Variants in DENND11 observed in about 807,000 individuals in gnomAD.
DENND11 encodes DENN domain containing 11, also known as DENN domain-containing protein 11.
DENND11 carries 34 observed loss-of-function variants against 49.2 expected under a neutral mutation model. That is an observed-to-expected ratio of 0.69 (90% CI 0.53 to 0.92). The LOEUF (loss-of-function observed/expected upper bound fraction) is 0.92. Among genes scored for constraint, DENND11 ranks in the 40% least tolerant of loss-of-function variants. The pLI, the probability that DENND11 is intolerant of heterozygous loss-of-function variation, is 0.00. For synonymous variants in DENND11, 238 were observed against 230.3 expected, an observed-to-expected ratio of 1.03 and a Z score of -0.30; for missense variants, 475 against 581.6, an observed-to-expected ratio of 0.82 and a Z score of 1.88.
rs536174491 is a variant in DENND11 at position 141,701,100 on chromosome 7, C to A, written c.268+786G>T. On this transcript the variant is annotated intron_variant, in intron 1 of 8. Transcript: ENST00000536163. ...GCAGGGTCGTTCTTCCACCTTCTGT[C>A]CCCCGTGGACTCTCACCTGGAAAAC... 8.5e-5 allele frequency among the ~76,000 whole-genome samples: 13 copies of A among 152,140 alleles called. No homozygotes were observed. In the East Asian group the frequency reaches 2.5e-3, roughly 30 times the overall value.
intron 1 of DENND11, among the ~76,000 whole-genome samples, chr7:141,696,660 T>C (rs1254889798): frequency 1.3e-5 from 2 of 152,180 alleles, no homozygotes; most frequent in Non-Finnish European, 2.9e-5. Flanking sequence ...ATGCCCTGAT[T>C]GTAATCAGGA....
In DENND11 at chr7:141,665,065, C is replaced by T. The variant is rs780524513; in HGVS notation, c.953-11G>A. ...TCTTCTCTGTGGTGCCTGTGGAACCCGGGGTTAGAGAGGTGGGAACCCACC... is the reference window on the plus strand; with the variant it reads ...TCTTCTCTGTGGTGCCTGTGGAACCTGGGGTTAGAGAGGTGGGAACCCACC... On this transcript the variant is annotated splice_polypyrimidine_tract_variant and intron_variant, in intron 6 of 8. Coordinates refer to ENST00000536163, the MANE Select transcript of DENND11 (RefSeq NM_001080392.2). The T allele has an allele frequency of 9.3e-6, 15 of 1,613,170 alleles. No homozygotes were observed. Among genetic ancestry groups the T allele is most frequent in the East Asian group, 6.7e-5 (3 of 44,848 alleles).
chr7:141,692,521 T>C (rs1004403283), intron 1 of DENND11, among the ~76,000 whole-genome samples: 1 of 152,088 alleles, frequency 6.6e-6, no homozygotes, highest in Non-Finnish European at 1.5e-5. Context: ...GGCAATATAA[T>C]GGAGAAAAGA....
At position 141,665,216 on chromosome 7, in the gene DENND11, C is replaced by A; in HGVS notation, c.923G>T (p.Ser308Ile). ...CACATAGGACACCTCTACCTCCAGG[C>A]TCTCGATGTCAGCCACGTTCACGTA... ...FFYVNVADIESLEVEVSYVAC... is the reference protein window; with the variant it reads ...FFYVNVADIEILEVEVSYVAC... Residue 308 changes from serine to isoleucine, a missense_variant, in exon 6 of 9, where the codon AGC becomes ATC. Coordinates refer to ENST00000536163, the MANE Select transcript of DENND11 (RefSeq NM_001080392.2). 1 of 1,613,232 alleles carries A rather than the reference C, an allele frequency of 6.2e-7. No individual in the cohort carries two copies. The highest frequency in any genetic ancestry group is 1.7e-5 in the Admixed American group (1 of 59,926).
chr7:141,686,118 T>G (rs1443841063), intron 2 of DENND11, among the ~76,000 whole-genome samples: 1 of 152,234 alleles, frequency 6.6e-6, no homozygotes, highest in Non-Finnish European at 1.5e-5. Context: ...TAAAGCCACT[T>G]CATTACCCTT....
At chr7:141,677,207 C>T (rs1798071093) in intron 3 of DENND11, among the ~76,000 whole-genome samples, 1 of 151,904 alleles carries the variant, frequency 6.6e-6, no homozygotes, top group Non-Finnish European at 1.5e-5. Context: ...GGGCGGATCG[C>T]TTGGGGCCAG....
chr7:141,696,378 A>T (rs1168291165), intron 1 of DENND11, among the ~76,000 whole-genome samples: 1 of 152,244 alleles, frequency 6.6e-6, no homozygotes. Context: ...TGTCTGCTAG[A>T]AAGTTCACCT....
Position 141,666,347 on chromosome 7 carries a change from A to T in DENND11, c.760T>A (p.Leu254Ile). Residue 254 changes from leucine to isoleucine, a missense_variant, in exon 5 of 9, where the codon TTA becomes ATA. Transcript: ENST00000536163. ...EQILILWKFALLRKRILIFSP... is the reference protein window; with the variant it reads ...EQILILWKFAILRKRILIFSP... ...AATATCAAAATGCGCTTTCGAAGTA[A>T]GGCAAATTTCCAGAGGATGAGGATC... 1 of 1,613,528 alleles carries T rather than the reference A, an allele frequency of 6.2e-7. No individual in the cohort carries two copies. The highest frequency in any genetic ancestry group is 8.5e-7 in the Non-Finnish European group (1 of 1,179,592).
chr7:141,687,631 A>ACTTTTTTTTTT (rs1554410465), intron 1 of DENND11, among the ~76,000 whole-genome samples: 3 of 112,826 alleles, frequency 2.7e-5, no homozygotes, highest in African/African-American at 9.9e-5. Flanking sequence ...CACTCGGCTA[A>ACTTTTTTTTTT]TTTTTTTTTT....
chr7:141,669,472 T>G (rs1797944061), intron 4 of DENND11, among the ~76,000 whole-genome samples: 2 of 128,502 alleles, frequency 1.6e-5, no homozygotes, highest in African/African-American at 4.9e-5. Flanking sequence ...GGTTTTGAAT[T>G]CCTGATCTCA....
At chr7:141,679,693 C>T (rs1161748130) in intron 3 of DENND11, among the ~76,000 whole-genome samples, 1 of 134,094 alleles carries the variant, frequency 7.5e-6, no homozygotes, top group Admixed American at 8.0e-5. Context: ...GCCTGGGACA[C>T]AAGAGCGAAA....
At chr7:141,668,373 T>G (rs1034685172) in intron 4 of DENND11, among the ~76,000 whole-genome samples, 3 of 151,968 alleles carry the variant, frequency 2.0e-5, no homozygotes, top group Non-Finnish European at 4.4e-5. Context: ...GATCACAAGG[T>G]CAGGAGTTCA....
intron 1 of DENND11, among the ~76,000 whole-genome samples, chr7:141,689,874 A>G (rs1798299053): frequency 6.6e-6 from 1 of 152,232 alleles, no homozygotes; most frequent in Non-Finnish European, 1.5e-5. Flanking sequence ...TATTACTTCT[A>G]TCATATGCAT....
intron 3 of DENND11, among the ~76,000 whole-genome samples, chr7:141,677,355 C>T (rs1798073455): frequency 1.4e-5 from 2 of 145,692 alleles, no homozygotes; most frequent in Non-Finnish European, 3.0e-5. Context: ...CACGCCATTG[C>T]ATCCAGCCTG....
Position 141,702,107 on chromosome 7 carries a change from C to T in DENND11, c.47G>A (p.Gly16Asp). The T allele has an allele frequency of 2.0e-6, 2 of 984,284 alleles. No individual in the cohort carries two copies. The highest frequency in any genetic ancestry group is 2.4e-6 in the Non-Finnish European group (2 of 830,630). 61.0% of individuals were successfully genotyped at this position (984,284 alleles called of 1,614,324 possible). ...DAAPLLRWAE[G>D]PAVSLPQAPQ... ...GGCCTGCGGCAGGGAGACGGCGGGG[C>T]CCTCGGCCCAGCGCAGCAGCGGCGC... The change falls in exon 1 of 9, where the codon GGC becomes GAC. Residue 16 changes from glycine to aspartate, a missense_variant. Physicochemically the swap from Gly to Asp is moderately conservative, Grantham distance 94. Transcript: ENST00000536163.
In DENND11 at chr7:141,688,410, C is replaced by T. The variant is rs1016081048; in HGVS notation, c.269-1752G>A. ...CATGGTAGATATCATAGAGCATTGT[C>T]GAATCTCACACTCAACAGCCCAAGT... On this transcript the variant is annotated intron_variant, in intron 1 of 8. Transcript: ENST00000536163. Among the ~76,000 whole-genome samples, 8 of 152,232 alleles carry T rather than the reference C, an allele frequency of 5.3e-5. No individual in the cohort carries two copies. In the East Asian group the frequency reaches 5.8e-4, roughly 11 times the overall value.
At chr7:141,694,160 T>TA (rs35783670) in intron 1 of DENND11, among the ~76,000 whole-genome samples, 4 of 152,162 alleles carry the variant, frequency 2.6e-5, no homozygotes, top group Non-Finnish European at 5.9e-5. Flanking sequence ...ATTAATTATT[T>TA]AAAAAAACCT....
chr7:141,662,353 T>C lies in DENND11; in HGVS notation c.*303A>G. 1 of 325,698 alleles carries C rather than the reference T, an allele frequency of 3.1e-6. No homozygotes were observed. The allele number at this position is 325,698 out of a possible 1,614,324, so 20.2% of individuals were successfully genotyped here. A position where few individuals can be genotyped will look rare whatever the true frequency, so the allele number is the denominator to read the frequency against. Reference sequence around the variant, plus strand: ...ACTTTCTGAACAGTCCATCCCAATGTTTCCAGAGCTCAGCCTACTCCTAGT... The same window carrying C: ...ACTTTCTGAACAGTCCATCCCAATGCTTCCAGAGCTCAGCCTACTCCTAGT... On this transcript the variant is annotated 3_prime_UTR_variant, in exon 9 of 9. Coordinates refer to ENST00000536163, the MANE Select transcript of DENND11 (RefSeq NM_001080392.2).
intron 1 of DENND11, among the ~76,000 whole-genome samples, chr7:141,688,645 G>A (rs1798280829): frequency 6.6e-6 from 1 of 152,190 alleles, no homozygotes; most frequent in South Asian, 2.1e-4. Context: ...TAAGCACCAA[G>A]TTCCCCCACG....
Sources: gnomAD v4.1 joint callset for allele counts (sites outside exome capture counted in the v4.1 genomes callset) on GRCh38, gnomAD v4.1.1 for gene constraint, MANE v1.5 for transcripts, NCBI Gene and HGNC (gene_info 2026-07-23, HGNC 2026-07-21) for gene names.